CA10: variants seen among roughly 807,000 people sequenced by gnomAD.
The protein encoded by CA10 is carbonic anhydrase-related protein 10.
Under a neutral mutation model 44.2 loss-of-function variants are expected in CA10, and 14 were observed. The observed-to-expected ratio is 0.32, with a 90% CI of 0.21 to 0.50. The LOEUF (loss-of-function observed/expected upper bound fraction) is 0.50, where lower values mean the gene tolerates loss of function less well. CA10 is among the 20% of genes least tolerant of loss of function. The probability of loss-of-function intolerance (pLI) is 0.99; values close to 1 mark genes in which losing one functional copy is unlikely to be tolerated. For synonymous variants in CA10, 159 were observed against 141.6 expected, an observed-to-expected ratio of 1.12 and a Z score of -0.87; for missense variants, 350 against 409.7, an observed-to-expected ratio of 0.85 and a Z score of 1.26.
At chr17:52,092,938 T>C (rs562077679) in intron 1 of CA10, among the ~76,000 whole-genome samples, 22 of 152,324 alleles carry the variant, frequency 1.4e-4, no homozygotes, top group African/African-American at 5.3e-4. Context: ...ATGTTGTTGA[T>C]AGGTTCTTAG....
intron 1 of CA10, among the ~76,000 whole-genome samples, chr17:52,120,886 T>A (rs1291601150): frequency 6.6e-6 from 1 of 152,226 alleles, no homozygotes; most frequent in Non-Finnish European, 1.5e-5. Context: ...CACCCTTCAA[T>A]GTGTCTGCAT....
At chr17:51,730,988 T>C (rs1340616729) in intron 4 of CA10, among the ~76,000 whole-genome samples, 2 of 152,172 alleles carry the variant, frequency 1.3e-5, no homozygotes, top group East Asian at 3.9e-4. Flanking sequence ...CAATCTCCTT[T>C]GCCCGGATAA....
At chr17:51,850,086 A>C (rs901922661) in intron 3 of CA10, among the ~76,000 whole-genome samples, 1 of 152,234 alleles carries the variant, frequency 6.6e-6, no homozygotes, top group Non-Finnish European at 1.5e-5. Flanking sequence ...CTGTGTCATG[A>C]AAACAAAAGT....
At chr17:51,947,225 A>C (rs1456627674) in intron 2 of CA10, among the ~76,000 whole-genome samples, 1 of 87,858 alleles carries the variant, frequency 1.1e-5, no homozygotes, top group Non-Finnish European at 2.4e-5. Context: ...CTTCATGTGC[A>C]AAAAAAAAAA....
intron 2 of CA10, among the ~76,000 whole-genome samples, chr17:51,987,551 A>G (rs943919639): frequency 6.6e-6 from 1 of 152,028 alleles, no homozygotes; most frequent in Non-Finnish European, 1.5e-5. Flanking sequence ...AAAATGTAGA[A>G]AAGATTTTAA....
At chr17:51,878,186 A>G (rs1980174994) in intron 3 of CA10, among the ~76,000 whole-genome samples, 1 of 151,770 alleles carries the variant, frequency 6.6e-6, no homozygotes, top group Non-Finnish European at 1.5e-5. Flanking sequence ...AAAAAAGAAA[A>G]AAACACAATG....
At chr17:51,862,496 A>C (rs1979356004) in intron 3 of CA10, among the ~76,000 whole-genome samples, 3 of 151,990 alleles carry the variant, frequency 2.0e-5, no homozygotes, top group Non-Finnish European at 4.4e-5. Flanking sequence ...TAGAGGAGAC[A>C]GGATGCCTTA....
intron 4 of CA10, among the ~76,000 whole-genome samples, chr17:51,688,080 T>A (rs1027161882): frequency 2.0e-5 from 3 of 152,198 alleles, no homozygotes; most frequent in African/African-American, 4.8e-5. Flanking sequence ...TGCAATGTCA[T>A]GTGAACACTC....
At chr17:52,136,451 G>A (rs1213956386) in intron 1 of CA10, among the ~76,000 whole-genome samples, 1 of 152,148 alleles carries the variant, frequency 6.6e-6, no homozygotes, top group Non-Finnish European at 1.5e-5. Flanking sequence ...GCCAACAGCA[G>A]CTCCCAGAAT....
chr17:51,869,578 T>C (rs1253864541), intron 3 of CA10, among the ~76,000 whole-genome samples: 1 of 152,168 alleles, frequency 6.6e-6, no homozygotes, highest in Non-Finnish European at 1.5e-5. Context: ...TTCAGAACCC[T>C]GGACAGAGCC....
intron 4 of CA10, among the ~76,000 whole-genome samples, chr17:51,692,573 C>T (rs1422538347): frequency 2.0e-5 from 3 of 152,176 alleles, no homozygotes. Flanking sequence ...CACTCCAGTA[C>T]TATGTTGCAT....
chr17:51,709,115 T>TCATTCATTCGGGCAGAAACG (rs1414860896), intron 4 of CA10, among the ~76,000 whole-genome samples: 2 of 152,226 alleles, frequency 1.3e-5, no homozygotes, highest in African/African-American at 4.8e-5. Flanking sequence ...GGGCAGAAAC[T>TCATTCATTCGGGCAGAAACG]CATTCATTCA....
intron 1 of CA10, among the ~76,000 whole-genome samples, chr17:52,084,299 C>A (rs552118381): frequency 1.2e-4 from 18 of 152,278 alleles, no homozygotes; most frequent in East Asian, 7.7e-4. Flanking sequence ...AAGGCCAGGG[C>A]AGATTTATTT....
intron 1 of CA10, among the ~76,000 whole-genome samples, chr17:52,130,935 G>A (rs543299298): frequency 6.6e-6 from 1 of 152,178 alleles, no homozygotes; most frequent in African/African-American, 2.4e-5. Context: ...GAATAACTAT[G>A]TATTGTATAC....
intron 1 of CA10, among the ~76,000 whole-genome samples, chr17:52,104,723 T>A (rs1418442271): frequency 1.3e-5 from 2 of 152,146 alleles, no homozygotes; most frequent in Non-Finnish European, 2.9e-5. Flanking sequence ...GGTACTGACT[T>A]AAAGAGGCAT....
At chr17:51,639,303 G>A (rs565751981) in intron 6 of CA10, among the ~76,000 whole-genome samples, 1 of 152,132 alleles carries the variant, frequency 6.6e-6, no homozygotes, top group East Asian at 1.9e-4. Flanking sequence ...TTTATTCGGG[G>A]CGGTGGGGAG....
At chr17:51,668,667 T>C (rs533715070) in intron 4 of CA10, among the ~76,000 whole-genome samples, 6 of 152,188 alleles carry the variant, frequency 3.9e-5, no homozygotes, top group Admixed American at 3.9e-4. Context: ...GCATCCACTC[T>C]GGCCACACTT....
intron 2 of CA10, among the ~76,000 whole-genome samples, chr17:52,002,632 T>A (rs1476039524): frequency 2.0e-5 from 3 of 152,002 alleles, no homozygotes; most frequent in African/African-American, 7.2e-5. Flanking sequence ...AATGAATAAT[T>A]TTATTTTATT....
chr17:51,975,755 G>A (rs1984440630), intron 2 of CA10, among the ~76,000 whole-genome samples: 2 of 151,598 alleles, frequency 1.3e-5, no homozygotes, highest in African/African-American at 4.9e-5. Context: ...CCCAGCTACT[G>A]AGGAGGCTAA....
Sources: allele counts gnomAD v4.1 joint callset (sites outside exome capture counted in the v4.1 genomes callset), GRCh38; gene constraint gnomAD v4.1.1; transcripts MANE v1.5; gene names NCBI Gene and HGNC (gene_info 2026-07-23, HGNC 2026-07-21).